The following CEP192 variants were observed in gnomAD, a reference collection of about 807,000 sequenced individuals.
The protein encoded by CEP192 is centrosomal protein of 192 kDa.
Under a neutral mutation model 271.8 loss-of-function variants are expected in CEP192, and 151 were observed. That is an observed-to-expected ratio of 0.56 (90% CI 0.49 to 0.64). The LOEUF is 0.64. CEP192 is among the 30% of genes least tolerant of loss of function. The pLI, the probability that CEP192 is intolerant of heterozygous loss-of-function variation, is 0.00. For synonymous variants in CEP192, 995 were observed against 1,076.5 expected, an observed-to-expected ratio of 0.92 and a Z score of 1.48; for missense variants, 2,910 against 3,020.5, an observed-to-expected ratio of 0.96 and a Z score of 0.86.
chr18:13,116,083 G>A (rs2040415942), intron 42 of CEP192, among the ~76,000 whole-genome samples: 1 of 152,152 alleles, frequency 6.6e-6, no homozygotes, highest in African/African-American at 2.4e-5. Flanking sequence ...CAGCGTGACG[G>A]GGCCAAGCGA....
rs143035938 is a variant in CEP192 at position 13,037,596 on chromosome 18, C to G, written c.1599+295C>G. On this transcript the variant is annotated intron_variant, in intron 12 of 44. Coordinates refer to ENST00000506447, the MANE Select transcript of CEP192 (RefSeq NM_032142.4). ...TTTTTTGAGACAGGACTTGCTGTGT[C>G]ACCCAGGCTGGAGTGCAGTGGTGAT... Among the ~76,000 whole-genome samples the G allele has an allele frequency of 3.0e-3, 454 of 152,318 alleles. 6 individuals carry two copies. The East Asian group carries it at 0.037, about 12-fold the overall frequency.
chr18:13,029,613 A>G (rs1207201272), intron 9 of CEP192, 50 bp from the exon 10 acceptor site: 1 of 1,149,038 alleles, frequency 8.7e-7, no homozygotes, highest in Non-Finnish European at 1.2e-6. Flanking sequence ...AGTTATAAAA[A>G]ACAAGACTTA....
chr18:12,995,724 A>G (rs929123940), intron 1 of CEP192, among the ~76,000 whole-genome samples: 3 of 152,238 alleles, frequency 2.0e-5, no homozygotes, highest in Non-Finnish European at 4.4e-5. Context: ...GAGGTTGGGA[A>G]GTGCCCTGTT....
chr18:13,068,230 A>G lies in CEP192; in HGVS notation c.4751A>G (p.Asp1584Gly). Residue 1584 changes from aspartate (D) to glycine (G), a missense_variant, in exon 23 of 45, where the codon GAT becomes GGT. Coordinates refer to ENST00000506447, the MANE Select transcript of CEP192 (RefSeq NM_032142.4). ...AACCACATGATGCCTGCTAGTTATG[A>G]TGGACAGGTGGGAGAGAACTGGCTT... ...VVNHMMPASY[D>G]GQDPEFLMIW... The G allele has an allele frequency of 6.2e-7, 1 of 1,614,182 alleles. No homozygotes were observed. The highest frequency in any genetic ancestry group is 8.5e-7 in the Non-Finnish European group (1 of 1,179,970).
intron 15 of CEP192, among the ~76,000 whole-genome samples, chr18:13,046,285 G>A (rs1039513917): frequency 6.6e-6 from 1 of 152,136 alleles, no homozygotes; most frequent in African/African-American, 2.4e-5. Context: ...GCCATGAGGG[G>A]TTCACCGCTA....
chr18:13,092,280 C>G (rs973929978), intron 33 of CEP192, 97 bp from the exon 34 acceptor site: 8 of 850,902 alleles, frequency 9.4e-6, no homozygotes, highest in Admixed American at 3.2e-5. Context: ...ACCCAGGAAA[C>G]TAATATTCTA....
intron 4 of CEP192, among the ~76,000 whole-genome samples, chr18:13,009,382 C>G (rs2034195078): frequency 6.6e-6 from 1 of 152,180 alleles, no homozygotes; most frequent in East Asian, 1.9e-4. Flanking sequence ...TTCCACTTTT[C>G]TCCCACTAAT....
Position 13,013,029 on chromosome 18 carries a change from A to G in CEP192, c.519+4A>G. Reference sequence around the variant, plus strand: ...GATGAATAATAAGGAACCCAAGGTAACCTTTTATATATTTGGTATCATTTT... The same window carrying G: ...GATGAATAATAAGGAACCCAAGGTAGCCTTTTATATATTTGGTATCATTTT... On this transcript the variant is annotated splice_donor_region_variant and intron_variant, in intron 5 of 44. Transcript: ENST00000506447. 1 of 1,412,798 alleles carries G rather than the reference A, an allele frequency of 7.1e-7. No homozygotes were observed. The highest frequency in any genetic ancestry group is 1.3e-5 in the South Asian group (1 of 79,428). 87.5% of individuals were successfully genotyped at this position (1,412,798 alleles called of 1,614,324 possible).
intron 3 of CEP192, among the ~76,000 whole-genome samples, chr18:13,003,011 C>T (rs2033746638): frequency 6.6e-6 from 1 of 151,886 alleles, no homozygotes; most frequent in South Asian, 2.1e-4. Flanking sequence ...ATACCAGTGA[C>T]TAAAACAGAT....
rs745415262 is a variant in CEP192, at chr18:13,057,649, G to C, written c.4173G>C (p.Gln1391His). The C allele has an allele frequency of 5.6e-6, 9 of 1,614,172 alleles. No individual in the cohort carries two copies. In the Admixed American group the frequency reaches 1.3e-4, roughly 24 times the overall value. ...CTTGCTGTGTCGGGATCGCTTCCCA[G>C]ACCCTCCTCAGTGTGCTTAATCCAA... Reference protein sequence around the residue: ...PHACCVGIASQTLLSVLNPTD... With the variant: ...PHACCVGIASHTLLSVLNPTD... Residue 1391 changes from glutamine to histidine, a missense_variant, in exon 20 of 45, where the codon CAG becomes CAC. Coordinates refer to ENST00000506447, the MANE Select transcript of CEP192 (RefSeq NM_032142.4).
intron 3 of CEP192, among the ~76,000 whole-genome samples, chr18:13,002,210 T>C (rs1274858260): frequency 6.6e-6 from 1 of 152,196 alleles, no homozygotes; most frequent in African/African-American, 2.4e-5. Context: ...TACTATTTTG[T>C]ATGTGCATTT....
Position 13,049,322 on chromosome 18 carries a change from T to C in CEP192, c.2531T>C (p.Ile844Thr). 1 of 1,614,186 alleles carries C rather than the reference T, an allele frequency of 6.2e-7. No homozygotes were observed. The highest frequency in any genetic ancestry group is 1.1e-5 in the South Asian group (1 of 91,084). ...GCACCAGAAGAAAACACAGCAGCTA[T>C]TGTTTATGTTGAAAATGGAGAGAGT... is the stretch of plus-strand genomic sequence containing the variant. ...VRAPEENTAA[I>T]VYVENGESEN... The change falls in exon 16 of 45, where the codon ATT (isoleucine) becomes ACT (threonine). Residue 844 changes from isoleucine (I) to threonine (T), a missense_variant. Ile to Thr is a moderately conservative substitution (Grantham distance 89). Transcript: ENST00000506447.
intron 18 of CEP192, among the ~76,000 whole-genome samples, chr18:13,055,429 C>T (rs933875539): frequency 6.6e-6 from 1 of 152,154 alleles, no homozygotes; most frequent in African/African-American, 2.4e-5. Flanking sequence ...CCCACTCCTT[C>T]GTTACTAATT....
intron 18 of CEP192, among the ~76,000 whole-genome samples, chr18:13,054,206 T>C (rs1050146090): frequency 6.6e-6 from 1 of 152,098 alleles, no homozygotes; most frequent in Non-Finnish European, 1.5e-5. Flanking sequence ...AATAGGAGAT[T>C]TGACATGAGG....
chr18:13,112,876 A>T (rs1186282710), intron 40 of CEP192, among the ~76,000 whole-genome samples: 2 of 152,232 alleles, frequency 1.3e-5, no homozygotes, highest in African/African-American at 4.8e-5. Context: ...ATTCATTGTT[A>T]ACTGATTCAT....
At chr18:13,068,618 A>G (rs535761982) in intron 24 of CEP192, among the ~76,000 whole-genome samples, 196 bp downstream of exon 24, 6 of 152,374 alleles carry the variant, frequency 3.9e-5, no homozygotes, top group African/African-American at 1.4e-4. Context: ...TGCAGATAGC[A>G]CTGAAAACCT....
At chr18:13,102,716 A>G (rs943330137) in intron 38 of CEP192, among the ~76,000 whole-genome samples, 1 of 152,004 alleles carries the variant, frequency 6.6e-6, no homozygotes, top group Non-Finnish European at 1.5e-5. Flanking sequence ...TCCTGCTCGG[A>G]TCCCTTGCTG....
chr18:13,059,521 C>G (rs984607592), intron 21 of CEP192, among the ~76,000 whole-genome samples: 20 of 152,126 alleles, frequency 1.3e-4, no homozygotes, highest in African/African-American at 4.8e-4. Context: ...GCTTAGATAT[C>G]TATAAAGCAG....
At chr18:13,111,031 C>T (rs1397036395) in intron 40 of CEP192, among the ~76,000 whole-genome samples, 2 of 152,192 alleles carry the variant, frequency 1.3e-5, no homozygotes, top group African/African-American at 4.8e-5. Flanking sequence ...TGTCAGTCTC[C>T]TCTGGCAACA....
Sources: gnomAD v4.1 joint callset for allele counts (sites outside exome capture counted in the v4.1 genomes callset) on GRCh38, gnomAD v4.1.1 for gene constraint, MANE v1.5 for transcripts, NCBI Gene and HGNC (gene_info 2026-07-23, HGNC 2026-07-21) for gene names.